The following CEP128 variants were observed in gnomAD, a reference collection of about 807,000 sequenced individuals.
CEP128 encodes the protein centrosomal protein 128kDa.
A neutral mutation model predicts 156.7 loss-of-function variants in CEP128; 132 were observed. The observed-to-expected ratio is 0.84, with a 90% CI of 0.73 to 0.97. The LOEUF (loss-of-function observed/expected upper bound fraction) is 0.97. Ranked by LOEUF, CEP128 falls within the 50% of genes least tolerant of loss-of-function variation. CEP128 has a pLI of 0.00. For missense variants in CEP128, 1,252 were observed against 1,281.9 expected (o/e 0.98, Z 0.36); for synonymous variants, 469 against 448.9 (o/e 1.04, Z -0.57).
At chr14:80,657,042 G>C (rs921367036) in intron 19 of CEP128, among the ~76,000 whole-genome samples, 1 of 151,560 alleles carries the variant, frequency 6.6e-6, no homozygotes, top group South Asian at 2.1e-4. Flanking sequence ...GGTGGATCAC[G>C]AAGTCAGGTG....
intron 8 of CEP128, among the ~76,000 whole-genome samples, chr14:80,894,924 C>A (rs58900495): frequency 0.022 from 3,294 of 151,640 alleles, 39 homozygotes; most frequent in Middle Eastern, 0.068. Context: ...TCTACTTTTA[C>A]TAGGAAACTT....
intron 16 of CEP128, 139 bp from the exon 17 acceptor site, chr14:80,761,752 A>G: frequency 1.9e-6 from 1 of 525,730 alleles, no homozygotes; most frequent in Non-Finnish European, 3.2e-6. Context: ...TACCAAAATA[A>G]AAACACTTTA....
intron 16 of CEP128, among the ~76,000 whole-genome samples, chr14:80,773,789 TATC>T (rs1900643348): frequency 6.6e-6 from 1 of 152,134 alleles, no homozygotes. Flanking sequence ...AAAAGATTAA[TATC>T]AGTAAGATTC....
chr14:80,881,682 C>G (rs765107209), intron 8 of CEP128, among the ~76,000 whole-genome samples: 1 of 152,074 alleles, frequency 6.6e-6, no homozygotes, highest in South Asian at 2.1e-4. Context: ...CAACAAAATA[C>G]TAGCAAGATG....
chr14:80,642,755 A>AC (rs1415266081), intron 19 of CEP128, among the ~76,000 whole-genome samples: 4 of 148,624 alleles, frequency 2.7e-5, no homozygotes, highest in Non-Finnish European at 4.5e-5. Context: ...AGAAAACTTG[A>AC]CCCCCTTTTT....
At chr14:80,796,277 A>G (rs1883468831) in intron 13 of CEP128, among the ~76,000 whole-genome samples, 1 of 152,102 alleles carries the variant, frequency 6.6e-6, no homozygotes, top group Non-Finnish European at 1.5e-5. Context: ...TGGGCAACAT[A>G]GCGAAACTCC....
At chr14:80,484,258 G>A (rs891435754) in intron 14 of CEP128, among the ~76,000 whole-genome samples, 10 of 152,300 alleles carry the variant, frequency 6.6e-5, no homozygotes, top group African/African-American at 2.2e-4. Context: ...AATTATAGGC[G>A]TGAGCCACCG....
At chr14:80,916,298 G>C (rs1420073007) in intron 3 of CEP128, 103 bp downstream of exon 3, 1 of 896,284 alleles carries the variant, frequency 1.1e-6, no homozygotes, top group Non-Finnish European at 1.8e-6. Context: ...CATTAGCTTT[G>C]CAGTAATTTG....
intron 13 of CEP128, among the ~76,000 whole-genome samples, chr14:80,804,837 A>G (rs1338924541): frequency 2.0e-5 from 3 of 152,174 alleles, no homozygotes; most frequent in African/African-American, 4.8e-5. Flanking sequence ...TGTATATTGC[A>G]TATAACATTA....
intron 2 of CEP128, among the ~76,000 whole-genome samples, chr14:80,947,450 T>G (rs573847833): frequency 6.6e-6 from 1 of 152,004 alleles, no homozygotes; most frequent in African/African-American, 2.4e-5. Flanking sequence ...GGACAGGATG[T>G]GTAATTTGTT....
chr14:80,598,558 C>T (rs1892441050), intron 19 of CEP128, among the ~76,000 whole-genome samples: 1 of 152,110 alleles, frequency 6.6e-6, no homozygotes, highest in African/African-American at 2.4e-5. Context: ...AACTAATATG[C>T]AAGTTCCATA....
chr14:80,827,530 T>C (rs1460378837), intron 13 of CEP128, among the ~76,000 whole-genome samples: 2 of 152,158 alleles, frequency 1.3e-5, no homozygotes, highest in Non-Finnish European at 2.9e-5. Context: ...AGCGAAAGCA[T>C]AGAAGATTGC....
chr14:80,545,118 G>A (rs996728202), intron 21 of CEP128, among the ~76,000 whole-genome samples: 1 of 152,138 alleles, frequency 6.6e-6, no homozygotes, highest in African/African-American at 2.4e-5. Flanking sequence ...TCTCCTCCCT[G>A]TGAGCCTACT....
intron 23 of CEP128, among the ~76,000 whole-genome samples, chr14:80,524,038 T>C (rs935730): frequency 0.77 from 117,657 of 152,140 alleles, 47,798 homozygotes; most frequent in Middle Eastern, 0.9. Flanking sequence ...GCAGGCAAGA[T>C]TGGACCCATA....
At chr14:80,914,773 A>G (rs1487797930) in intron 3 of CEP128, among the ~76,000 whole-genome samples, 1 of 152,204 alleles carries the variant, frequency 6.6e-6, no homozygotes, top group East Asian at 1.9e-4. Flanking sequence ...AATCTAGTAG[A>G]CTGTGTACAA....
intron 13 of CEP128, among the ~76,000 whole-genome samples, chr14:80,804,181 T>C (rs1435513703): frequency 6.6e-6 from 1 of 152,102 alleles, no homozygotes; most frequent in Non-Finnish European, 1.5e-5. Flanking sequence ...AAAAATTCAT[T>C]TTAATATAAG....
chr14:80,869,329 TTAAAC>T (rs752641522), intron 8 of CEP128, among the ~76,000 whole-genome samples: 5 of 151,948 alleles, frequency 3.3e-5, no homozygotes, highest in Non-Finnish European at 7.4e-5. Context: ...TATGTGGAAA[TTAAAC>T]TACACAATTC....
intron 8 of CEP128, among the ~76,000 whole-genome samples, chr14:80,867,039 T>C (rs73342103): frequency 0.022 from 3,310 of 152,334 alleles, 41 homozygotes; most frequent in Middle Eastern, 0.068. Flanking sequence ...TTTTTTTCTT[T>C]CCTTACTAAG....
rs118001556 is a variant in CEP128 at position 80,803,942 on chromosome 14, G to T, written c.1210-10832C>A. Among the ~76,000 whole-genome samples, 32 of 152,118 alleles carry T rather than the reference G, an allele frequency of 2.1e-4. No individual in the cohort carries two copies. In the East Asian group the frequency reaches 6.2e-3, roughly 29 times the overall value. ...TATTAATGTTTATACTAGCTAAACT[G>T]TCAGTTATTGGTATACCATATACAT... On this transcript the variant is annotated intron_variant, in intron 13 of 24. Transcript: ENST00000555265.
Sources: allele counts gnomAD v4.1 joint callset (sites outside exome capture counted in the v4.1 genomes callset), GRCh38; gene constraint gnomAD v4.1.1; transcripts MANE v1.5; gene names NCBI Gene and HGNC (gene_info 2026-07-23, HGNC 2026-07-21).